The following KATNAL1 variants were observed in gnomAD, a reference collection of about 807,000 sequenced individuals.
KATNAL1 encodes the protein katanin catalytic subunit A1 like 1, also known as katanin p60 ATPase-containing subunit A-like 1.
A neutral mutation model predicts 55.2 loss-of-function variants in KATNAL1; 32 were observed. That is an observed-to-expected ratio of 0.58 (90% CI 0.44 to 0.78). KATNAL1 has a LOEUF of 0.78. KATNAL1 is among the 30% of genes least tolerant of loss of function. The pLI, the probability that KATNAL1 is intolerant of heterozygous loss-of-function variation, is 0.00. For synonymous variants in KATNAL1, 193 were observed against 193.6 expected (o/e 1.00, Z 0.02); for missense variants, 466 against 600.9 (o/e 0.78, Z 2.35).
intron 6 of KATNAL1, among the ~76,000 whole-genome samples, chr13:30,236,405 T>C (rs1233795421): frequency 1.3e-5 from 2 of 152,184 alleles, no homozygotes; most frequent in Non-Finnish European, 2.9e-5. Context: ...AATTCAAGCC[T>C]GGAATCTGGG....
chr13:30,208,758 A>G lies in KATNAL1; in HGVS notation c.1275-20T>C, dbSNP rs1873384610. The G allele has an allele frequency of 1.3e-6, 2 of 1,544,114 alleles. No individual in the cohort carries two copies. Among genetic ancestry groups the G allele is most frequent in the Non-Finnish European group, 1.8e-6 (2 of 1,131,104 alleles). ...GCATCCCTAAAAATATACCAAAATC[A>G]GTCAACAGTAATTTTTGCACATGTT... On this transcript the variant is annotated intron_variant, in intron 10 of 10. Transcript: ENST00000380615.
chr13:30,240,358 T>C, intron 6 of KATNAL1, 102 bp downstream of exon 6: 1 of 794,028 alleles, frequency 1.3e-6, no homozygotes, highest in Non-Finnish European at 2.1e-6. Flanking sequence ...TCTCCCAACC[T>C]TTTCAAAATG....
chr13:30,244,898 C>G (rs1877632369), intron 4 of KATNAL1, among the ~76,000 whole-genome samples: 2 of 151,856 alleles, frequency 1.3e-5, no homozygotes, highest in Non-Finnish European at 2.9e-5. Flanking sequence ...GAAATTGAGA[C>G]AGTAATTAAT....
chr13:30,279,608 T>C (rs900114959), intron 3 of KATNAL1, among the ~76,000 whole-genome samples: 1 of 152,226 alleles, frequency 6.6e-6, no homozygotes, highest in East Asian at 1.9e-4. Flanking sequence ...GAATGTAACC[T>C]TTAAGTAATA....
chr13:30,245,244 T>C (rs1877670470), intron 4 of KATNAL1, among the ~76,000 whole-genome samples: 1 of 152,130 alleles, frequency 6.6e-6, no homozygotes, highest in African/African-American at 2.4e-5. Context: ...GCAGGGCTAG[T>C]TCAACATACG....
Position 30,230,498 on chromosome 13 carries a change from C to T in KATNAL1, c.982G>A (p.Val328Ile). The T allele has an allele frequency of 6.2e-7, 1 of 1,613,430 alleles. No homozygotes were observed. Among genetic ancestry groups the T allele is most frequent in the Non-Finnish European group, 8.5e-7 (1 of 1,179,736 alleles). ...TSDEHEASRR[V>I]KSELLIQMDG... ...ATCTGAATGAGCAGTTCAGACTTGA[C>T]CCTGCGACTTGCCTCATGTTCATCA... The change falls in exon 8 of 11, where the codon GTC becomes ATC. Residue 328 changes from valine to isoleucine, a missense_variant. By Grantham distance (29) the Val-to-Ile change is conservative. This residue lies in a region of KATNAL1 where 213 missense variants were observed against 308.6 expected (regional missense o/e 0.69). Transcript: ENST00000380615.
chr13:30,246,147 T>C lies in KATNAL1; in HGVS notation c.493-5061A>G, dbSNP rs1877775179. ...ATCATGCTACCTTGACTTCAAACTA[T>C]ACTACAAGGCTACAGTAACCAAAAC... On this transcript the variant is annotated intron_variant, in intron 4 of 10. Coordinates refer to ENST00000380615, the MANE Select transcript of KATNAL1 (RefSeq NM_032116.5). Among the ~76,000 whole-genome samples, 5 of 152,154 alleles carry C rather than the reference T, an allele frequency of 3.3e-5. 1 individual carries two copies. The highest frequency in any genetic ancestry group is 3.3e-4 in the Admixed American group (5 of 15,280).
At chr13:30,253,849 T>C (rs1257451889) in intron 4 of KATNAL1, among the ~76,000 whole-genome samples, 3 of 152,078 alleles carry the variant, frequency 2.0e-5, no homozygotes, top group African/African-American at 7.2e-5. Flanking sequence ...AATCTTAAGG[T>C]TAAACAGGAA....
intron 4 of KATNAL1, among the ~76,000 whole-genome samples, chr13:30,250,026 C>T (rs2137448146): frequency 6.6e-6 from 1 of 152,302 alleles, no homozygotes; most frequent in East Asian, 1.9e-4. Context: ...TACCTATTAT[C>T]TTGAGGTTCC....
chr13:30,239,842 C>A (rs900327232), intron 6 of KATNAL1, among the ~76,000 whole-genome samples: 1 of 151,822 alleles, frequency 6.6e-6, no homozygotes, highest in Non-Finnish European at 1.5e-5. Flanking sequence ...TGCACCACCA[C>A]GCCCAGCTAA....
chr13:30,220,707 GT>G (rs943121522), intron 9 of KATNAL1, among the ~76,000 whole-genome samples: 2 of 149,962 alleles, frequency 1.3e-5, no homozygotes, highest in Admixed American at 6.7e-5. Flanking sequence ...CTTGTTTTTT[GT>G]TTTTTTTTGA....
intron 3 of KATNAL1, among the ~76,000 whole-genome samples, chr13:30,275,804 TAATC>T (rs1230633361): frequency 3.9e-5 from 6 of 152,214 alleles, no homozygotes; most frequent in South Asian, 2.1e-4. Context: ...ATATATCAAA[TAATC>T]AACCTGTATA....
chr13:30,221,443 T>C (rs964702191), intron 9 of KATNAL1, among the ~76,000 whole-genome samples: 1 of 152,142 alleles, frequency 6.6e-6, no homozygotes, highest in African/African-American at 2.4e-5. Flanking sequence ...ATGTAGCACA[T>C]ACAGTAAAAT....
intron 1 of KATNAL1, among the ~76,000 whole-genome samples, chr13:30,285,513 GT>G (rs1881721441): frequency 6.6e-6 from 1 of 152,132 alleles, no homozygotes; most frequent in Non-Finnish European, 1.5e-5. Context: ...ATGATTCTAA[GT>G]TTTCTGAGCC....
intron 1 of KATNAL1, 70 bp from the exon 2 acceptor site, chr13:30,283,861 A>AAT: frequency 1.8e-6 from 2 of 1,094,786 alleles, no homozygotes; most frequent in South Asian, 3.5e-5. Flanking sequence ...TATTCTTTAA[A>AAT]ATATGTTTAA....
At chr13:30,295,407 C>A (rs962218205) in intron 1 of KATNAL1, among the ~76,000 whole-genome samples, 41 of 152,142 alleles carry the variant, frequency 2.7e-4, no homozygotes, top group African/African-American at 9.7e-4. Flanking sequence ...GTAGAAAAAG[C>A]AAGAGAACTA....
In KATNAL1 at chr13:30,261,881, A is replaced by G. The variant is rs926900145; in HGVS notation, c.324-6266T>C. On this transcript the variant is annotated intron_variant, in intron 3 of 10. Transcript: ENST00000380615. Reference sequence around the variant, plus strand: ...CACCAAGCGGACCTAATAGACATCTACAGAACTCTCCACCCCAAATCAACA... The same window carrying G: ...CACCAAGCGGACCTAATAGACATCTGCAGAACTCTCCACCCCAAATCAACA... Among the ~76,000 whole-genome samples, 467 of 152,106 alleles carry G rather than the reference A, an allele frequency of 3.1e-3. 2 individuals carry two copies. The highest frequency in any genetic ancestry group is 0.011 in the African/African-American group (445 of 41,538).
At chr13:30,247,095 A>C (rs1201073054) in intron 4 of KATNAL1, among the ~76,000 whole-genome samples, 3 of 152,174 alleles carry the variant, frequency 2.0e-5, no homozygotes, top group South Asian at 2.1e-4. Flanking sequence ...GGCACAGAAA[A>C]GGTAAGTAAA....
intron 3 of KATNAL1, among the ~76,000 whole-genome samples, chr13:30,270,372 T>G (rs561705744): frequency 6.6e-6 from 1 of 151,100 alleles, no homozygotes; most frequent in South Asian, 2.1e-4. Context: ...CCTCCCCTAC[T>G]GGGAAGTGAG....
Sources: gnomAD v4.1 joint callset for allele counts (sites outside exome capture counted in the v4.1 genomes callset) on GRCh38, gnomAD v4.1.1 for gene constraint, gnomAD v4.1.1 regional missense constraint, MANE v1.5 for transcripts, NCBI Gene and HGNC (gene_info 2026-07-23, HGNC 2026-07-21) for gene names.